The following FRMD4A variants were observed in gnomAD, a reference collection of about 807,000 sequenced individuals.
FRMD4A encodes the protein FERM domain-containing protein 4A.
Under a neutral mutation model 129.1 loss-of-function variants are expected in FRMD4A, and 29 were observed. The ratio of observed to expected loss-of-function variants is 0.22; its 90% CI spans 0.17 to 0.31. The LOEUF is 0.31. Ranked by LOEUF, FRMD4A falls within the 10% of genes least tolerant of loss-of-function variation. The pLI is 1.00. For synonymous variants in FRMD4A, 634 were observed against 571.6 expected, an observed-to-expected ratio of 1.11 and a Z score of -1.56; for missense variants, 1,272 against 1,375.8, an observed-to-expected ratio of 0.92 and a Z score of 1.19.
intron 2 of FRMD4A, among the ~76,000 whole-genome samples, chr10:14,270,727 T>C (rs116358446): frequency 7.1e-4 from 108 of 152,298 alleles, no homozygotes; most frequent in Non-Finnish European, 1.2e-3. Flanking sequence ...TGAAACAACA[T>C]AAAACAGAAC....
intron 2 of FRMD4A, among the ~76,000 whole-genome samples, chr10:14,281,029 G>A (rs1845501706): frequency 1.3e-5 from 1 of 78,536 alleles, no homozygotes; most frequent in African/African-American, 5.2e-5. Context: ...TTTCGATCTT[G>A]TTGCCCAGGC....
At chr10:14,028,307 C>T (rs538985041) in intron 2 of FRMD4A, among the ~76,000 whole-genome samples, 1 of 152,210 alleles carries the variant, frequency 6.6e-6, no homozygotes, top group South Asian at 2.1e-4. Context: ...TTCTTCAAGA[C>T]CTTACAGACT....
In FRMD4A at chr10:13,789,771, G is replaced by GTGTGTGTGTGTT. The variant is rs748588994; in HGVS notation, c.299+6724_299+6725insAACACACACACA. ...TTGACCGCTGCTGGCTGCTTATAAT[G>GTGTGTGTGTGTT]TGTGTGTGTGTGTGTGTGTGTGTGT... On this transcript the variant is annotated intron_variant, in intron 5 of 24. Transcript: ENST00000357447. Among the ~76,000 whole-genome samples the GTGTGTGTGTGTT allele has an allele frequency of 8.2e-3, 676 of 82,114 alleles. 6 individuals are homozygous for GTGTGTGTGTGTT. Among genetic ancestry groups the GTGTGTGTGTGTT allele is most frequent in the Middle Eastern group, 0.062 (12 of 194 alleles). 53.9% of individuals were successfully genotyped at this position (82,114 alleles called of 152,430 possible). A position where few individuals can be genotyped will look rare whatever the true frequency, so the allele number is the denominator to read the frequency against.
intron 3 of FRMD4A, 109 bp from the exon 4 acceptor site, chr10:13,811,017 A>C: frequency 1.7e-6 from 1 of 599,140 alleles, no homozygotes; most frequent in Non-Finnish European, 3.0e-6. Flanking sequence ...ACAAAGCTCA[A>C]GTATTTTGAA....
At chr10:14,252,394 CA>C in intron 2 of FRMD4A, among the ~76,000 whole-genome samples, 1 of 152,188 alleles carries the variant, frequency 6.6e-6, no homozygotes, top group East Asian at 1.9e-4. Context: ...AAAGAAAATC[CA>C]AAAATCATGG....
At chr10:13,657,612 T>G in intron 21 of FRMD4A, 90 bp from the exon 22 acceptor site, 3 of 1,435,546 alleles carry the variant, frequency 2.1e-6, no homozygotes, top group Non-Finnish European at 2.7e-6. Context: ...AGGAGGGCAC[T>G]GGGTGTCTGC....
chr10:13,810,566 C>A (rs1158539560), intron 4 of FRMD4A, among the ~76,000 whole-genome samples: 1 of 152,132 alleles, frequency 6.6e-6, no homozygotes, highest in African/African-American at 2.4e-5. Context: ...TGAACACAAA[C>A]CTGCTTGATT....
chr10:13,902,456 G>GGAGAGAGAGGGA (rs2094830397), intron 2 of FRMD4A, among the ~76,000 whole-genome samples: 1 of 127,700 alleles, frequency 7.8e-6, no homozygotes, highest in Non-Finnish European at 1.6e-5. Flanking sequence ...GCAAAATACT[G>GGAGAGAGAGGGA]GAGAGAGAGA....
intron 2 of FRMD4A, among the ~76,000 whole-genome samples, chr10:14,233,428 G>A (rs1843700242): frequency 6.6e-6 from 1 of 151,822 alleles, no homozygotes; most frequent in East Asian, 1.9e-4. Flanking sequence ...AAAAAAATTA[G>A]CCAGGCATGG....
At chr10:14,082,091 C>T (rs1299887261) in intron 2 of FRMD4A, among the ~76,000 whole-genome samples, 1 of 151,996 alleles carries the variant, frequency 6.6e-6, no homozygotes, top group Non-Finnish European at 1.5e-5. Flanking sequence ...ACTAAAAATA[C>T]AAGAAATTAG....
At chr10:13,845,492 A>G (rs11813703) in intron 3 of FRMD4A, among the ~76,000 whole-genome samples, 1 of 151,990 alleles carries the variant, frequency 6.6e-6, no homozygotes, top group African/African-American at 2.4e-5. Flanking sequence ...TAGCACCATA[A>G]ATTATGTAGC....
At chr10:13,647,065 C>G (rs2081164495) in intron 24 of FRMD4A, 30 bp from the exon 25 acceptor site, 2 of 581,762 alleles carry the variant, frequency 3.4e-6, no homozygotes, top group Non-Finnish European at 4.3e-6. Flanking sequence ...GGAGATGAGA[C>G]AGTTAGTTAG....
chr10:14,017,292 T>A (rs569633857), intron 2 of FRMD4A, among the ~76,000 whole-genome samples: 2 of 152,344 alleles, frequency 1.3e-5, no homozygotes, highest in African/African-American at 2.4e-5. Context: ...CCCGTTTTCA[T>A]GTGCTGTCAG....
intron 2 of FRMD4A, among the ~76,000 whole-genome samples, chr10:14,159,498 T>C (rs960784634): frequency 2.0e-5 from 3 of 152,086 alleles, no homozygotes; most frequent in Non-Finnish European, 4.4e-5. Flanking sequence ...AATGAACATA[T>C]CCCATGCTTA....
At chr10:14,176,178 G>C (rs1841718657) in intron 2 of FRMD4A, among the ~76,000 whole-genome samples, 1 of 152,156 alleles carries the variant, frequency 6.6e-6, no homozygotes, top group African/African-American at 2.4e-5. Flanking sequence ...GTGGAGAATA[G>C]GGTAGACAAA....
In FRMD4A at chr10:13,725,743, C is replaced by G. The variant is rs561493307; in HGVS notation, c.759+12101G>C. The stretch of plus-strand genomic sequence containing the variant: ...GGTCCAGTGACCAACAAAAAAATAA[C>G]CCTCTTCACAAAGAGACGTTGTTTG... On this transcript the variant is annotated intron_variant, in intron 12 of 24. Transcript: ENST00000357447. Among the ~76,000 whole-genome samples the G allele has an allele frequency of 1.5e-4, 23 of 152,316 alleles. 1 individual carries two copies. Among genetic ancestry groups the G allele is most frequent in the Non-Finnish European group, 1.6e-4 (11 of 68,028 alleles).
intron 2 of FRMD4A, among the ~76,000 whole-genome samples, chr10:14,254,101 C>T (rs1294976140): frequency 1.3e-5 from 2 of 152,166 alleles, no homozygotes; most frequent in Non-Finnish European, 2.9e-5. Context: ...TCTGGAGGTA[C>T]AGGCCACCCC....
intron 2 of FRMD4A, among the ~76,000 whole-genome samples, chr10:14,124,667 C>A (rs1368818332): frequency 1.3e-5 from 2 of 152,172 alleles, no homozygotes; most frequent in Non-Finnish European, 2.9e-5. Context: ...CAGGGCAAGA[C>A]TTTGTCTCAA....
intron 2 of FRMD4A, 58 bp from the exon 3 acceptor site, chr10:13,858,970 A>AG: frequency 9.5e-7 from 1 of 1,050,816 alleles, no homozygotes; most frequent in African/African-American, 1.6e-5. Context: ...AAAGGGTTAG[A>AG]GGGTCGCCGA....
Sources: allele counts gnomAD v4.1 joint callset (sites outside exome capture counted in the v4.1 genomes callset), GRCh38; gene constraint gnomAD v4.1.1; transcripts MANE v1.5; gene names NCBI Gene and HGNC (gene_info 2026-07-23, HGNC 2026-07-21).